PCNX1: variants seen among roughly 807,000 people sequenced by gnomAD.
PCNX1 encodes the protein pecanex-like protein 1.
Under a neutral mutation model 242.2 loss-of-function variants are expected in PCNX1, and 78 were observed. The observed-to-expected ratio is 0.32, with a 90% CI of 0.27 to 0.39. PCNX1 has a LOEUF of 0.39. PCNX1 is among the 10% of genes least tolerant of loss of function. The pLI is 1.00. For synonymous variants in PCNX1, 1,024 were observed against 1,032.9 expected (o/e 0.99, Z 0.17); for missense variants, 2,581 against 2,856.5 (o/e 0.90, Z 2.20).
chr14:71,013,339 T>C, intron 11 of PCNX1, 137 bp downstream of exon 11: 1 of 747,254 alleles, frequency 1.3e-6, no homozygotes, highest in Non-Finnish European at 2.4e-6. Context: ...GATATAAAAC[T>C]TAAGGTAATG....
At chr14:70,929,340 CT>C (rs955120428) in intron 1 of PCNX1, among the ~76,000 whole-genome samples, 1 of 152,058 alleles carries the variant, frequency 6.6e-6, no homozygotes, top group Non-Finnish European at 1.5e-5. Context: ...TAGGTGCCCC[CT>C]GACCCAAAAG....
intron 21 of PCNX1, 80 bp downstream of exon 21, chr14:71,047,185 A>T: frequency 1.2e-6 from 1 of 867,996 alleles, no homozygotes. Flanking sequence ...ATCAAATATT[A>T]AATAATTGTT....
chr14:71,070,314 A>G (rs1405042498), intron 26 of PCNX1, among the ~76,000 whole-genome samples: 1 of 152,214 alleles, frequency 6.6e-6, no homozygotes, highest in Non-Finnish European at 1.5e-5. Flanking sequence ...TAGTGTTGAC[A>G]TTTTGACCTC....
At chr14:70,940,051 A>C (rs1428604557) in intron 1 of PCNX1, among the ~76,000 whole-genome samples, 1 of 152,108 alleles carries the variant, frequency 6.6e-6, no homozygotes, top group Non-Finnish European at 1.5e-5. Context: ...TCCTGAATGC[A>C]GCGCACACTG....
At chr14:71,090,184 GCTAAATATCTTAGTA>G (rs3217013) in intron 30 of PCNX1, among the ~76,000 whole-genome samples, 44,769 of 152,024 alleles carry the variant, frequency 0.29, 6,606 homozygotes, top group Middle Eastern at 0.4. Flanking sequence ...CTTAGGCTTA[GCTAAATATCTTAGTA>G]GGGTAATAAC....
chr14:71,019,140 G>A lies in PCNX1; in HGVS notation c.3128G>A (p.Ser1043Asn). The A allele has an allele frequency of 6.2e-7, 1 of 1,610,610 alleles. No individual in the cohort carries two copies. The highest frequency in any genetic ancestry group is 8.5e-7 in the Non-Finnish European group (1 of 1,178,260). The change falls in exon 12 of 36, where the codon AGC (serine) becomes AAC (asparagine). Residue 1043 changes from serine (S) to asparagine (N), a missense_variant. Around this residue, in one of 9 missense-constraint regions of PCNX1, gnomAD observed 55 missense variants for 49.8 expected, o/e 1.10. Transcript: ENST00000304743. ...TTCCAGTTCTGCCTCGTCATAGCCA[G>A]CTGTCAATACTCACTGCTTAAGGTA... Reference protein sequence around the residue: ...WVFQFCLVIASCQYSLLKSVQ... With the variant: ...WVFQFCLVIANCQYSLLKSVQ...
At chr14:70,923,457 C>T (rs2056456258) in intron 1 of PCNX1, among the ~76,000 whole-genome samples, 1 of 152,016 alleles carries the variant, frequency 6.6e-6, no homozygotes. Flanking sequence ...AATAAATTTG[C>T]ATGATTAAAA....
Position 71,076,301 on chromosome 14 carries a change from C to T in PCNX1, c.5219C>T (p.Pro1740Leu), listed in dbSNP as rs2061717427. ...CADRNYVDVD[P>L]TFNPNIDEDY... ...GATCGCAATTATGTCGATGTGGACC[C>T]GACCTTTAATCCAAACATTGATGAA... The change falls in exon 28 of 36, where the codon CCG becomes CTG. Residue 1740 changes from proline to leucine, a missense_variant. Pro to Leu is a moderately conservative substitution (Grantham distance 98). Coordinates refer to ENST00000304743, the MANE Select transcript of PCNX1 (RefSeq NM_014982.3). 8 of 1,613,778 alleles carry T rather than the reference C, an allele frequency of 5.0e-6. No individual in the cohort carries two copies. The highest frequency in any genetic ancestry group is 2.2e-5 in the South Asian group (2 of 91,076).
chr14:70,947,736 A>G (rs189596230), intron 2 of PCNX1, among the ~76,000 whole-genome samples: 40 of 152,352 alleles, frequency 2.6e-4, no homozygotes, highest in Admixed American at 2.0e-4. Flanking sequence ...AGAGGATAAC[A>G]GCGATTTTCA....
chr14:70,960,970 A>G (rs937537835), intron 2 of PCNX1, among the ~76,000 whole-genome samples: 1 of 152,228 alleles, frequency 6.6e-6, no homozygotes, highest in Non-Finnish European at 1.5e-5. Context: ...GATGTGAAGG[A>G]CCTCTTAATG....
chr14:71,075,356 T>C (rs1379549153), intron 27 of PCNX1, among the ~76,000 whole-genome samples: 1 of 152,160 alleles, frequency 6.6e-6, no homozygotes, highest in Non-Finnish European at 1.5e-5. Context: ...GGATGAACGC[T>C]GAGCCTTCCA....
intron 1 of PCNX1, among the ~76,000 whole-genome samples, chr14:70,919,767 ACAGTT>A (rs2056305727): frequency 8.2e-6 from 1 of 122,382 alleles, no homozygotes; most frequent in Non-Finnish European, 1.6e-5. Flanking sequence ...GAATTGTAAA[ACAGTT>A]CAGAGTTCTT....
At chr14:70,958,251 T>G (rs2058065967) in intron 2 of PCNX1, among the ~76,000 whole-genome samples, 1 of 152,206 alleles carries the variant, frequency 6.6e-6, no homozygotes, top group South Asian at 2.1e-4. Flanking sequence ...TTTTCTTTGT[T>G]GAACCTTAGT....
chr14:70,946,151 T>C (rs2057448118), intron 1 of PCNX1, among the ~76,000 whole-genome samples: 1 of 152,240 alleles, frequency 6.6e-6, no homozygotes, highest in South Asian at 2.1e-4. Flanking sequence ...TTCTGTCCTG[T>C]GTTCTTTTAT....
intron 28 of PCNX1, among the ~76,000 whole-genome samples, chr14:71,081,601 G>A (rs1595460720): frequency 1.3e-5 from 2 of 152,276 alleles, no homozygotes; most frequent in South Asian, 4.2e-4. Context: ...ACTTGGGAGG[G>A]TGTGTGTGTC....
rs1171601200 is a variant in PCNX1 at position 71,088,436 on chromosome 14, G to T, written c.5438+6G>T. 4 of 1,551,638 alleles carry T rather than the reference G, an allele frequency of 2.6e-6. No homozygotes were observed. The East Asian group carries it at 6.7e-5, about 26-fold the overall frequency. Reference sequence around the variant, plus strand: ...GCATCCCATCATATGTCCAGGTAAAGAAGGCATTTCTGTTCTGAGGAAGAG... The same window carrying T: ...GCATCCCATCATATGTCCAGGTAAATAAGGCATTTCTGTTCTGAGGAAGAG... On this transcript the variant is annotated splice_donor_region_variant and intron_variant, in intron 29 of 35. Coordinates refer to ENST00000304743, the MANE Select transcript of PCNX1 (RefSeq NM_014982.3).
chr14:71,081,502 C>CT (rs1173826820), intron 28 of PCNX1, among the ~76,000 whole-genome samples: 1 of 152,040 alleles, frequency 6.6e-6, no homozygotes, highest in Non-Finnish European at 1.5e-5. Context: ...TGATCCCGGG[C>CT]TTTTTTTGGT....
intron 8 of PCNX1, among the ~76,000 whole-genome samples, chr14:71,001,787 T>C (rs1259350428): frequency 6.6e-6 from 1 of 152,228 alleles, no homozygotes. Flanking sequence ...TTTCTATTTC[T>C]CTCATGAGAA....
chr14:71,112,918 C>A lies in PCNX1; in HGVS notation c.*2983C>A, dbSNP rs905576250. On this transcript the variant is annotated 3_prime_UTR_variant, in exon 36 of 36. Coordinates refer to ENST00000304743, the MANE Select transcript of PCNX1 (RefSeq NM_014982.3). ...GAGTTATAAATTATTGCCTTTTTTT[C>A]CTTTATTTCTTTCATTCAGTGGCAA... 1.3e-5 allele frequency: 2 copies of A among 152,016 alleles called. No individual in the cohort carries two copies. The highest frequency in any genetic ancestry group is 4.8e-5 in the African/African-American group (2 of 41,400). 9.4% of individuals were successfully genotyped at this position (152,016 alleles called of 1,614,324 possible). A position where few individuals can be genotyped will look rare whatever the true frequency, so the allele number is the denominator to read the frequency against.
Sources: allele counts gnomAD v4.1 joint callset (sites outside exome capture counted in the v4.1 genomes callset), GRCh38; gene constraint gnomAD v4.1.1; regional missense constraint gnomAD v4.1.1; transcripts MANE v1.5; gene names NCBI Gene and HGNC (gene_info 2026-07-23, HGNC 2026-07-21).